Variants in GALNT18 observed in about 807,000 individuals in gnomAD.
GALNT18 encodes the protein GalNAc-transferase 18.
GALNT18 carries 44 observed loss-of-function variants against 69.5 expected under a neutral mutation model. The ratio of observed to expected loss-of-function variants is 0.63; its 90% CI spans 0.50 to 0.81. GALNT18 has a LOEUF of 0.81. GALNT18 is among the 40% of genes least tolerant of loss of function. The pLI, the probability that GALNT18 is intolerant of heterozygous loss-of-function variation, is 0.00. For synonymous variants in GALNT18, 364 were observed against 318.2 expected (o/e 1.14, Z -1.53); for missense variants, 715 against 810.0 (o/e 0.88, Z 1.42).
rs140364646 is a variant in GALNT18, at chr11:11,384,783, C to A, written c.596-5519G>T. 1.8e-3 allele frequency among the ~76,000 whole-genome samples: 279 copies of A among 152,306 alleles called. 1 individual carries two copies. The highest frequency in any genetic ancestry group is 5.7e-3 in the African/African-American group (236 of 41,572). On this transcript the variant is annotated intron_variant, in intron 3 of 10. Transcript: ENST00000227756. ...AGCCTCTGGAACTGAGAGAAATAAA[C>A]ATCTGTTGTTTATAAGCCACTCAGT...
intron 6 of GALNT18, among the ~76,000 whole-genome samples, chr11:11,357,753 G>A (rs914976352): frequency 2.0e-5 from 3 of 151,990 alleles, no homozygotes; most frequent in African/African-American, 7.3e-5. Flanking sequence ...TCTTGGGAGG[G>A]GTAAATGACA....
At chr11:11,346,434 A>C (rs1850304375) in intron 6 of GALNT18, among the ~76,000 whole-genome samples, 1 of 152,244 alleles carries the variant, frequency 6.6e-6, no homozygotes, top group Non-Finnish European at 1.5e-5. Context: ...GCTAGATTTT[A>C]CTGAACACAA....
Position 11,523,948 on chromosome 11 carries a change from A to G in GALNT18, c.236-75012T>C, listed in dbSNP as rs933490054. On this transcript the variant is annotated intron_variant, in intron 1 of 10. Coordinates refer to ENST00000227756, the MANE Select transcript of GALNT18 (RefSeq NM_198516.3). The surrounding 1 kb of genome is among the most constrained non-coding windows in gnomAD (Gnocchi z 4.3). The stretch of plus-strand genomic sequence containing the variant: ...GTAGAGGACCCTCTGGGCACTGCCA[A>G]TACTGTGGATACTGGGCACTGCATT... 3.3e-5 allele frequency among the ~76,000 whole-genome samples: 5 copies of G among 152,260 alleles called. No homozygotes were observed. Among genetic ancestry groups the G allele is most frequent in the East Asian group, 1.9e-4 (1 of 5,182 alleles).
At chr11:11,579,523 T>C (rs1859021173) in intron 1 of GALNT18, among the ~76,000 whole-genome samples, 1 of 152,156 alleles carries the variant, frequency 6.6e-6, no homozygotes, top group Non-Finnish European at 1.5e-5. Flanking sequence ...TCTATCCCTG[T>C]CCTACCCATC....
rs1473626178 is a variant in GALNT18 at position 11,320,183 on chromosome 11, T to C, written c.1512+6903A>G. 6.6e-6 allele frequency among the ~76,000 whole-genome samples: 1 copy of C among 152,212 alleles called. No homozygotes were observed. Among genetic ancestry groups the C allele is most frequent in the Admixed American group, 6.5e-5 (1 of 15,286 alleles). On this transcript the variant is annotated intron_variant, in intron 9 of 10. Coordinates refer to ENST00000227756, the MANE Select transcript of GALNT18 (RefSeq NM_198516.3). This position sits in a 1 kb window ranked among gnomAD's most constrained non-coding sequence, Gnocchi z 4.9. ...TCACTATATATTGCCTCAGAAATTG[T>C]CTTTCAGCATTTTCAGGCTTCCTAT...
intron 1 of GALNT18, among the ~76,000 whole-genome samples, chr11:11,534,515 T>C (rs1448307467): frequency 6.6e-6 from 1 of 152,226 alleles, no homozygotes; most frequent in African/African-American, 2.4e-5. Flanking sequence ...AGTCTTGTCC[T>C]CAAGATGCTT....
At chr11:11,393,951 C>G (rs1854258050) in intron 3 of GALNT18, among the ~76,000 whole-genome samples, 1 of 152,240 alleles carries the variant, frequency 6.6e-6, no homozygotes, top group Non-Finnish European at 1.5e-5. Context: ...ATGTGTTCAA[C>G]TGGCAGATAT....
intron 6 of GALNT18, among the ~76,000 whole-genome samples, chr11:11,350,900 A>C (rs1850388799): frequency 6.6e-6 from 1 of 152,184 alleles, no homozygotes; most frequent in Non-Finnish European, 1.5e-5. Flanking sequence ...GTGTGAGCAA[A>C]ATAGGACATT....
At chr11:11,473,091 A>G (rs1391694020) in intron 1 of GALNT18, among the ~76,000 whole-genome samples, 1 of 152,176 alleles carries the variant, frequency 6.6e-6, no homozygotes, top group African/African-American at 2.4e-5. Flanking sequence ...TACTGCTCTT[A>G]CTACAGCCCC....
rs568042005 is a variant in GALNT18, at chr11:11,407,746, G to A, written c.595+24875C>T. On this transcript the variant is annotated intron_variant, in intron 3 of 10. Transcript: ENST00000227756. ...CTAAAAGGAGGGCAAAGGAGAAGAGGGAGCATGGCCAAACAAAGGTTTGGA... is the reference window on the plus strand; with the variant it reads ...CTAAAAGGAGGGCAAAGGAGAAGAGAGAGCATGGCCAAACAAAGGTTTGGA... Among the ~76,000 whole-genome samples the A allele has an allele frequency of 2.0e-5, 3 of 152,316 alleles. No individual in the cohort carries two copies. The East Asian group carries it at 5.8e-4, about 29-fold the overall frequency.
chr11:11,433,964 A>C (rs1855338049), intron 2 of GALNT18, among the ~76,000 whole-genome samples: 1 of 152,156 alleles, frequency 6.6e-6, no homozygotes, highest in African/African-American at 2.4e-5. Context: ...CCAGGTCAGA[A>C]CATGCAATAA....
At chr11:11,575,288 T>C (rs983631116) in intron 1 of GALNT18, among the ~76,000 whole-genome samples, 9 of 152,206 alleles carry the variant, frequency 5.9e-5, no homozygotes, top group Non-Finnish European at 1.2e-4. Context: ...GCCTCTGCTT[T>C]GAGGCTGCCA....
At chr11:11,308,657 C>G (rs958228817) in intron 9 of GALNT18, among the ~76,000 whole-genome samples, 2 of 152,166 alleles carry the variant, frequency 1.3e-5, no homozygotes, top group African/African-American at 4.8e-5. Context: ...CCTGGTGCCT[C>G]TTCTACACCT....
chr11:11,415,932 A>G lies in GALNT18; in HGVS notation c.595+16689T>C, dbSNP rs1854847165. 6.6e-6 allele frequency among the ~76,000 whole-genome samples: 1 copy of G among 152,268 alleles called. No individual in the cohort carries two copies. ...ACCTAAGACTGTGGGAACTCACTCC[A>G]GAAAGATTAAACAGCAACCTTGAAT... On this transcript the variant is annotated intron_variant, in intron 3 of 10. Coordinates refer to ENST00000227756, the MANE Select transcript of GALNT18 (RefSeq NM_198516.3). This position sits in a 1 kb window ranked among gnomAD's most constrained non-coding sequence, Gnocchi z 4.1.
In GALNT18 at chr11:11,595,784, AC is replaced by A. The variant is rs1307238442; in HGVS notation, c.235+25574del. The stretch of plus-strand genomic sequence containing the variant: ...GAGTTTTTGTAAATTCTGGATATTA[AC>A]CCCTTACCAGATAAATGACTCCCAA... On this transcript the variant is annotated intron_variant, in intron 1 of 10. Coordinates refer to ENST00000227756, the MANE Select transcript of GALNT18 (RefSeq NM_198516.3). This position sits in a 1 kb window ranked among gnomAD's most constrained non-coding sequence, Gnocchi z 5.2. Among the ~76,000 whole-genome samples, 2 of 152,166 alleles carry A rather than the reference AC, an allele frequency of 1.3e-5. No homozygotes were observed. The highest frequency in any genetic ancestry group is 4.8e-5 in the African/African-American group (2 of 41,442).
In GALNT18 at chr11:11,356,475, G is replaced by T. The variant is rs1457353513; in HGVS notation, c.1093-15471C>A. Among the ~76,000 whole-genome samples the T allele has an allele frequency of 6.6e-6, 1 of 152,160 alleles. No homozygotes were observed. Among genetic ancestry groups the T allele is most frequent in the African/African-American group, 2.4e-5 (1 of 41,432 alleles). On this transcript the variant is annotated intron_variant, in intron 6 of 10. Transcript: ENST00000227756. This position sits in a 1 kb window ranked among gnomAD's most constrained non-coding sequence, Gnocchi z 4.4. ...CTTTAACATACATTGTGAGCTTCCAGGTTTCTTTGGCTTTTGTTTTTGCTT... is the reference window on the plus strand; with the variant it reads ...CTTTAACATACATTGTGAGCTTCCATGTTTCTTTGGCTTTTGTTTTTGCTT...
At position 11,603,984 on chromosome 11, in the gene GALNT18, G is replaced by A. The variant is rs1859690181; in HGVS notation, c.235+17375C>T. On this transcript the variant is annotated intron_variant, in intron 1 of 10. Transcript: ENST00000227756. This position sits in a 1 kb window ranked among gnomAD's most constrained non-coding sequence, Gnocchi z 4.5. The stretch of plus-strand genomic sequence containing the variant: ...GCCATGAGGGTGGACCCTCATGAAT[G>A]GGATTACTGTTCTTATGAAAGGAAC... 6.6e-6 allele frequency among the ~76,000 whole-genome samples: 1 copy of A among 152,126 alleles called. No individual in the cohort carries two copies.
chr11:11,578,989 A>G (rs1859001753), intron 1 of GALNT18, among the ~76,000 whole-genome samples: 1 of 152,180 alleles, frequency 6.6e-6, no homozygotes, highest in African/African-American at 2.4e-5. Context: ...GGCTTCAGGA[A>G]GGAAGGAAGG....
Position 11,372,947 on chromosome 11 carries a change from C to G in GALNT18, c.978-318G>C, listed in dbSNP as rs967695684. Among the ~76,000 whole-genome samples, 5 of 152,056 alleles carry G rather than the reference C, an allele frequency of 3.3e-5. No individual in the cohort carries two copies. Among genetic ancestry groups the G allele is most frequent in the African/African-American group, 1.2e-4 (5 of 41,382 alleles). ...TGACTGTATCTCCCGCTGCCCTGAC[C>G]CTGACCTCTGCACAGCCAGTCTCTG... On this transcript the variant is annotated intron_variant, in intron 5 of 10. Coordinates refer to ENST00000227756, the MANE Select transcript of GALNT18 (RefSeq NM_198516.3). This position sits in a 1 kb window ranked among gnomAD's most constrained non-coding sequence, Gnocchi z 4.9.
Sources: gnomAD v4.1 joint callset for allele counts (sites outside exome capture counted in the v4.1 genomes callset) on GRCh38, gnomAD v4.1.1 for gene constraint, Gnocchi (gnomAD v3.1) non-coding constraint, MANE v1.5 for transcripts, NCBI Gene and HGNC (gene_info 2026-07-23, HGNC 2026-07-21) for gene names.